PIWIL4: variants seen among roughly 807,000 people sequenced by gnomAD.
PIWIL4 encodes the protein piwi-like protein 4.
Under a neutral mutation model 100.9 loss-of-function variants are expected in PIWIL4, and 50 were observed. The ratio of observed to expected loss-of-function variants is 0.50; its 90% CI spans 0.39 to 0.63. The LOEUF is 0.63. PIWIL4 is among the 20% of genes least tolerant of loss of function. The probability of loss-of-function intolerance (pLI) is 0.00; values close to 1 mark genes in which losing one functional copy is unlikely to be tolerated. For synonymous variants in PIWIL4, 342 were observed against 367.5 expected, an observed-to-expected ratio of 0.93 and a Z score of 0.79; for missense variants, 887 against 1,043.3, an observed-to-expected ratio of 0.85 and a Z score of 2.06.
At position 94,608,568 on chromosome 11, in the gene PIWIL4, A is replaced by C. The variant is rs755916870; in HGVS notation, c.1840-15A>C. The C allele has an allele frequency of 7.5e-6, 12 of 1,602,506 alleles. No homozygotes were observed. Among genetic ancestry groups the C allele is most frequent in the Non-Finnish European group, 9.4e-6 (11 of 1,169,866 alleles). On this transcript the variant is annotated splice_polypyrimidine_tract_variant and intron_variant, in intron 14 of 19. Coordinates refer to ENST00000299001, the MANE Select transcript of PIWIL4 (RefSeq NM_152431.3). ...TACCTCATCCCATTAAATCATGACA[A>C]ATTTAATTTTATAGTTAAAGTCCCT...
intron 16 of PIWIL4, 37 bp downstream of exon 16, chr11:94,616,600 A>G: frequency 2.0e-6 from 3 of 1,521,216 alleles, no homozygotes; most frequent in Non-Finnish European, 2.7e-6. Flanking sequence ...GGCTCCAAGG[A>G]CTGTTCCTTC....
Position 94,604,067 on chromosome 11 carries a change from G to A in PIWIL4, c.1638+11G>A, listed in dbSNP as rs753351176. ...CCTGATGTTCAGCTGGTAAGTACAG[G>A]ATACTTTTTGAACTCCTTTAATCTA... On this transcript the variant is annotated intron_variant, in intron 13 of 19. Coordinates refer to ENST00000299001, the MANE Select transcript of PIWIL4 (RefSeq NM_152431.3). The A allele has an allele frequency of 1.9e-6, 3 of 1,553,222 alleles. No individual in the cohort carries two copies. In the East Asian group the frequency reaches 6.8e-5, roughly 35 times the overall value.
chr11:94,606,325 T>G (rs1207283945), intron 13 of PIWIL4, among the ~76,000 whole-genome samples: 1 of 152,230 alleles, frequency 6.6e-6, no homozygotes. Flanking sequence ...TTAAAAATAT[T>G]TTTCTTCACT....
At chr11:94,612,124 T>C (rs1948793478) in intron 15 of PIWIL4, among the ~76,000 whole-genome samples, 1 of 152,182 alleles carries the variant, frequency 6.6e-6, no homozygotes, top group Non-Finnish European at 1.5e-5. Context: ...GTCAGGATGA[T>C]CTATCTGTTG....
chr11:94,591,514 A>G (rs1343991050), intron 8 of PIWIL4, among the ~76,000 whole-genome samples: 1 of 152,240 alleles, frequency 6.6e-6, no homozygotes, highest in African/African-American at 2.4e-5. Context: ...CTAGCAAAAC[A>G]TCTTGTGCAT....
At chr11:94,583,038 A>G (rs1948344628) in intron 4 of PIWIL4, among the ~76,000 whole-genome samples, 1 of 104,052 alleles carries the variant, frequency 9.6e-6, no homozygotes, top group African/African-American at 4.2e-5. Context: ...GTGTGTATAT[A>G]TATATATGTG....
At chr11:94,572,286 AGTTTCATTAGATCCCATTT>A (rs1451293370) in intron 2 of PIWIL4, among the ~76,000 whole-genome samples, 1 of 152,098 alleles carries the variant, frequency 6.6e-6, no homozygotes, top group African/African-American at 2.4e-5. Flanking sequence ...GAAGCTCTTT[AGTTTCATTAGATCCCATTT>A]GTCAATTTTG....
chr11:94,602,357 T>G (rs372431693), intron 12 of PIWIL4, among the ~76,000 whole-genome samples: 1 of 152,216 alleles, frequency 6.6e-6, no homozygotes, highest in Non-Finnish European at 1.5e-5. Context: ...AAAACAGAAG[T>G]TGCATGTCCT....
At chr11:94,616,289 GC>G (rs1948845275) in intron 15 of PIWIL4, among the ~76,000 whole-genome samples, 1 of 152,134 alleles carries the variant, frequency 6.6e-6, no homozygotes, top group African/African-American at 2.4e-5. Context: ...TATGGCTGAT[GC>G]CAACACTATG....
intron 12 of PIWIL4, among the ~76,000 whole-genome samples, chr11:94,602,594 G>A (rs1367032150): frequency 6.6e-6 from 1 of 152,106 alleles, no homozygotes; most frequent in African/African-American, 2.4e-5. Flanking sequence ...TTGAGTAAGA[G>A]ATACATATAC....
chr11:94,575,110 A>G lies in PIWIL4; in HGVS notation c.278A>G (p.His93Arg). The G allele has an allele frequency of 6.2e-7, 1 of 1,613,716 alleles. No homozygotes were observed. Among genetic ancestry groups the G allele is most frequent in the Non-Finnish European group, 8.5e-7 (1 of 1,179,908 alleles). ...LSICTREKLAHVRNCKTGSSG... is the reference protein window; with the variant it reads ...LSICTREKLARVRNCKTGSSG... Reference sequence around the variant, plus strand: ...ATCTGTACCAGAGAAAAATTGGCACATGTGAGAAATTGTAAAACAGGTACC... The same window carrying G: ...ATCTGTACCAGAGAAAAATTGGCACGTGTGAGAAATTGTAAAACAGGTACC... Residue 93 changes from histidine to arginine, a missense_variant, in exon 3 of 20, where the codon CAT (histidine) becomes CGT (arginine). By Grantham distance (29) the His-to-Arg change is conservative. Transcript: ENST00000299001.
chr11:94,577,303 G>T lies in PIWIL4; in HGVS notation c.324G>T (p.Leu108=). Residue 108 remains leucine, a synonymous_variant, in exon 4 of 20, where the codon CTG becomes CTT. Transcript: ENST00000299001. ...KTGSSGIPVK[L]VTNLFNLDFP... ...GTTCCAGTGGAATACCTGTGAAACT[G>T]GTTACAAACCTCTTTAACTTAGATT... The T allele has an allele frequency of 6.2e-7, 1 of 1,613,848 alleles. No individual in the cohort carries two copies. The highest frequency in any genetic ancestry group is 8.5e-7 in the Non-Finnish European group (1 of 1,179,880).
intron 13 of PIWIL4, among the ~76,000 whole-genome samples, chr11:94,604,477 G>A (rs1404987809): frequency 6.6e-6 from 1 of 152,136 alleles, no homozygotes; most frequent in Non-Finnish European, 1.5e-5. Flanking sequence ...GCCACCTTCT[G>A]TGCATTTCAG....
chr11:94,593,874 C>T (rs1948519736), intron 9 of PIWIL4, among the ~76,000 whole-genome samples: 1 of 152,128 alleles, frequency 6.6e-6, no homozygotes, highest in South Asian at 2.1e-4. Context: ...TGATATCATC[C>T]TAAAACCAAG....
intron 12 of PIWIL4, among the ~76,000 whole-genome samples, chr11:94,603,226 G>C (rs1401194305): frequency 6.6e-6 from 1 of 152,138 alleles, no homozygotes. Context: ...CAGTCACATA[G>C]GTCTGTTAGT....
intron 4 of PIWIL4, among the ~76,000 whole-genome samples, chr11:94,582,877 C>G (rs988974885): frequency 1.3e-5 from 2 of 152,098 alleles, no homozygotes; most frequent in African/African-American, 4.8e-5. Flanking sequence ...TTCCTTCTCT[C>G]TTGTTCTCTG....
chr11:94,588,132 C>T (rs1948430100), intron 7 of PIWIL4, among the ~76,000 whole-genome samples: 1 of 151,750 alleles, frequency 6.6e-6, no homozygotes, highest in South Asian at 2.1e-4. Context: ...ACCTGAGAGG[C>T]CCCAGCGTGT....
intron 8 of PIWIL4, 52 bp from the exon 9 acceptor site, chr11:94,593,466 C>A (rs1438603090): frequency 6.3e-7 from 1 of 1,575,762 alleles, no homozygotes; most frequent in Non-Finnish European, 8.6e-7. Flanking sequence ...AGGATGCTCA[C>A]CTGGCGGTGC....
intron 6 of PIWIL4, 85 bp from the exon 7 acceptor site, chr11:94,586,965 A>G: frequency 8.1e-7 from 1 of 1,236,350 alleles, no homozygotes; most frequent in Non-Finnish European, 1.1e-6. Flanking sequence ...CGAGAATTAG[A>G]ACAGAAAATC....
Sources: gnomAD v4.1 joint callset for allele counts (sites outside exome capture counted in the v4.1 genomes callset) on GRCh38, gnomAD v4.1.1 for gene constraint, MANE v1.5 for transcripts, NCBI Gene and HGNC (gene_info 2026-07-23, HGNC 2026-07-21) for gene names.